Variants in CHCHD3 observed in about 807,000 individuals in gnomAD.
CHCHD3 encodes coiled-coil-helix-coiled-coil-helix domain containing 3, also known as MICOS complex subunit MIC19.
In CHCHD3, 20 loss-of-function variants were observed where a neutral mutation model predicts 38.2. The ratio of observed to expected loss-of-function variants is 0.52; its 90% CI spans 0.37 to 0.76. CHCHD3 has a LOEUF of 0.76. Among genes scored for constraint, CHCHD3 ranks in the 30% least tolerant of loss-of-function variants. CHCHD3 has a pLI of 0.00. For synonymous variants in CHCHD3, 82 were observed against 100.0 expected (o/e 0.82, Z 1.07); for missense variants, 245 against 279.2 (o/e 0.88, Z 0.87).
At chr7:132,812,214 T>C (rs1488887782) in intron 6 of CHCHD3, among the ~76,000 whole-genome samples, 13 of 138,452 alleles carry the variant, frequency 9.4e-5, no homozygotes, top group Non-Finnish European at 7.8e-5. Flanking sequence ...TTTTTTTTTT[T>C]TTTTTTTTTT....
chr7:132,808,250 G>A (rs1048629174), intron 6 of CHCHD3, among the ~76,000 whole-genome samples: 1 of 152,116 alleles, frequency 6.6e-6, no homozygotes, highest in African/African-American at 2.4e-5. Flanking sequence ...TGGAAAGCCT[G>A]GAAGCTTTCT....
At chr7:132,985,810 C>T (rs1812101987) in intron 3 of CHCHD3, among the ~76,000 whole-genome samples, 1 of 106,148 alleles carries the variant, frequency 9.4e-6, no homozygotes. Flanking sequence ...CGGCCAGCCG[C>T]CCCGTCCGGG....
chr7:132,985,227 C>T (rs1484222830), intron 3 of CHCHD3, among the ~76,000 whole-genome samples: 1 of 86,144 alleles, frequency 1.2e-5, no homozygotes, highest in Non-Finnish European at 2.4e-5. Flanking sequence ...GCCCGGCCAG[C>T]CGCCCCATCC....
chr7:133,044,765 C>CAGGA (rs1270382567), intron 2 of CHCHD3, among the ~76,000 whole-genome samples: 5 of 152,246 alleles, frequency 3.3e-5, no homozygotes, highest in African/African-American at 1.2e-4. Context: ...GGCAGAAGAG[C>CAGGA]AGTCCACTGG....
At chr7:133,081,818 G>T in intron 1 of CHCHD3, 39 bp downstream of exon 1, 1 of 1,545,902 alleles carries the variant, frequency 6.5e-7, no homozygotes, top group Non-Finnish European at 8.8e-7. Flanking sequence ...TGGGGTCCGA[G>T]TCCAACCACT....
intron 5 of CHCHD3, among the ~76,000 whole-genome samples, chr7:132,875,745 C>T (rs1808881133): frequency 6.6e-6 from 1 of 152,166 alleles, no homozygotes; most frequent in Admixed American, 6.5e-5. Flanking sequence ...GTGGTGAATG[C>T]CAAGGACTCC....
chr7:132,803,964 A>C (rs1253615788), intron 6 of CHCHD3, among the ~76,000 whole-genome samples: 1 of 151,684 alleles, frequency 6.6e-6, no homozygotes, highest in Non-Finnish European at 1.5e-5. Flanking sequence ...TTGTCTTCGA[A>C]GGTAACTTTA....
At chr7:133,016,496 A>G (rs143046213) in intron 3 of CHCHD3, among the ~76,000 whole-genome samples, 55 of 152,350 alleles carry the variant, frequency 3.6e-4, no homozygotes, top group African/African-American at 1.2e-3. Flanking sequence ...TTCTCTCACT[A>G]AAGTATCAAA....
At chr7:132,840,824 T>C (rs1807921285) in intron 5 of CHCHD3, among the ~76,000 whole-genome samples, 1 of 152,112 alleles carries the variant, frequency 6.6e-6, no homozygotes, top group African/African-American at 2.4e-5. Context: ...AATTAGTCAG[T>C]TCCTCTCTGC....
Position 132,975,262 on chromosome 7 carries a change from G to A in CHCHD3, c.276C>T (p.Asp92=). The change falls in exon 4 of 8, where the codon GAC becomes GAT. Residue 92 remains aspartate (D), a synonymous_variant. Transcript: ENST00000262570. The stretch of plus-strand genomic sequence containing the variant: ...GCTCATTGGCAGCAGCCCTCTCTCG[G>A]TCCAGCTCTTTGGCTTGCTTTAGTC... ...QKRLKQAKEL[D]RERAAANEQL... 1 of 1,613,004 alleles carries A rather than the reference G, an allele frequency of 6.2e-7. No individual in the cohort carries two copies. Among genetic ancestry groups the A allele is most frequent in the Middle Eastern group, 1.9e-4 (1 of 5,306 alleles).
intron 7 of CHCHD3, among the ~76,000 whole-genome samples, chr7:132,791,597 T>C (rs1219573566): frequency 6.6e-6 from 1 of 152,184 alleles, no homozygotes; most frequent in African/African-American, 2.4e-5. Flanking sequence ...GACCCCTTCA[T>C]ACTCAAAATA....
intron 3 of CHCHD3, among the ~76,000 whole-genome samples, chr7:133,023,557 G>A (rs745678999): frequency 5.3e-5 from 8 of 152,144 alleles, no homozygotes; most frequent in Non-Finnish European, 5.9e-5. Flanking sequence ...GCAAGCATGT[G>A]TTTGGTGCTC....
chr7:132,913,562 T>C (rs1810019212), intron 4 of CHCHD3, among the ~76,000 whole-genome samples: 1 of 152,156 alleles, frequency 6.6e-6, no homozygotes, highest in Non-Finnish European at 1.5e-5. Flanking sequence ...ACCTGAACAG[T>C]CTTCTTTACA....
At chr7:133,027,444 G>C (rs1421970426) in intron 2 of CHCHD3, among the ~76,000 whole-genome samples, 1 of 135,272 alleles carries the variant, frequency 7.4e-6, no homozygotes, top group Non-Finnish European at 1.6e-5. Context: ...GAGGGAGGGA[G>C]GGAGGGGGGG....
chr7:132,802,013 C>T (rs898851695), intron 6 of CHCHD3, among the ~76,000 whole-genome samples: 1 of 152,144 alleles, frequency 6.6e-6, no homozygotes, highest in Admixed American at 6.5e-5. Flanking sequence ...CCTCTGGCCA[C>T]CTATCCCTGC....
At chr7:132,954,073 TGA>T (rs1811099467) in intron 4 of CHCHD3, among the ~76,000 whole-genome samples, 1 of 152,118 alleles carries the variant, frequency 6.6e-6, no homozygotes, top group Non-Finnish European at 1.5e-5. Context: ...AAAAGAGGGC[TGA>T]GAGGTGTGGT....
At chr7:133,043,629 G>A (rs1283545705) in intron 2 of CHCHD3, among the ~76,000 whole-genome samples, 3 of 151,096 alleles carry the variant, frequency 2.0e-5, no homozygotes, top group South Asian at 2.1e-4. Flanking sequence ...CTGGGTGACC[G>A]GTTGAGACTC....
At chr7:132,866,323 C>G (rs1225825039) in intron 5 of CHCHD3, among the ~76,000 whole-genome samples, 4 of 152,142 alleles carry the variant, frequency 2.6e-5, no homozygotes, top group Non-Finnish European at 5.9e-5. Context: ...TTCCCGCGAC[C>G]TTGGATAAAG....
At chr7:132,933,421 A>T (rs1190282341) in intron 4 of CHCHD3, among the ~76,000 whole-genome samples, 1 of 152,222 alleles carries the variant, frequency 6.6e-6, no homozygotes, top group Non-Finnish European at 1.5e-5. Context: ...AGACTTTATC[A>T]TAAGGCTCTT....
Sources: allele counts gnomAD v4.1 joint callset (sites outside exome capture counted in the v4.1 genomes callset), GRCh38; gene constraint gnomAD v4.1.1; transcripts MANE v1.5; gene names NCBI Gene and HGNC (gene_info 2026-07-23, HGNC 2026-07-21).